PPP1R9A: variants seen among roughly 807,000 people sequenced by gnomAD.
PPP1R9A encodes the protein neurabin-1.
In PPP1R9A, 59 loss-of-function variants were observed where a neutral mutation model predicts 141.9. The ratio of observed to expected loss-of-function variants is 0.42; its 90% CI spans 0.34 to 0.52. The LOEUF (loss-of-function observed/expected upper bound fraction) is 0.52, where lower values mean the gene tolerates loss of function less well. Among genes scored for constraint, PPP1R9A ranks in the 20% least tolerant of loss-of-function variants. PPP1R9A has a pLI of 0.10. For missense variants in PPP1R9A, 1,444 were observed against 1,611.9 expected (o/e 0.90, Z 1.78); for synonymous variants, 500 against 569.7 (o/e 0.88, Z 1.74).
At chr7:95,083,014 C>A (rs1052096348) in intron 2 of PPP1R9A, among the ~76,000 whole-genome samples, 2 of 151,764 alleles carry the variant, frequency 1.3e-5, no homozygotes, top group Non-Finnish European at 2.9e-5. Context: ...CTCGGCCTCC[C>A]AAAGTGCTGG....
intron 2 of PPP1R9A, among the ~76,000 whole-genome samples, chr7:94,995,751 C>A (rs1044974781): frequency 1.3e-5 from 2 of 151,872 alleles, no homozygotes; most frequent in Non-Finnish European, 2.9e-5. Context: ...AAAATTTGTG[C>A]CCATTGTGTC....
chr7:95,243,062 G>A (rs1257349329), intron 8 of PPP1R9A, among the ~76,000 whole-genome samples: 1 of 152,140 alleles, frequency 6.6e-6, no homozygotes, highest in Non-Finnish European at 1.5e-5. Context: ...TGCTTCATTT[G>A]TCGAGGTCCT....
At chr7:95,258,548 A>G (rs558382084) in intron 12 of PPP1R9A, among the ~76,000 whole-genome samples, 3 of 152,312 alleles carry the variant, frequency 2.0e-5, no homozygotes, top group Non-Finnish European at 2.9e-5. Context: ...GATCATTAAA[A>G]GACATTATAA....
chr7:95,090,014 G>A (rs1817130420), intron 2 of PPP1R9A, among the ~76,000 whole-genome samples: 1 of 151,862 alleles, frequency 6.6e-6, no homozygotes, highest in Non-Finnish European at 1.5e-5. Context: ...AAAGTACAGT[G>A]GACTTTCCTA....
chr7:95,133,312 G>A (rs1396307275), intron 4 of PPP1R9A, among the ~76,000 whole-genome samples: 1 of 151,986 alleles, frequency 6.6e-6, no homozygotes, highest in Non-Finnish European at 1.5e-5. Context: ...TGGCTTGTAG[G>A]TCGGGTTTCA....
intron 3 of PPP1R9A, among the ~76,000 whole-genome samples, chr7:95,117,202 A>G (rs1040666301): frequency 1.3e-5 from 2 of 152,096 alleles, no homozygotes; most frequent in Middle Eastern, 6.8e-3. Flanking sequence ...CCGTCATTTT[A>G]TGGCTGTTTT....
At chr7:95,032,775 T>C (rs1157989421) in intron 2 of PPP1R9A, among the ~76,000 whole-genome samples, 2 of 152,208 alleles carry the variant, frequency 1.3e-5, no homozygotes, top group East Asian at 3.9e-4. Context: ...TACAAAAGTG[T>C]GTAAAACTGT....
chr7:95,086,198 T>G (rs1427856123), intron 2 of PPP1R9A, among the ~76,000 whole-genome samples: 2 of 152,016 alleles, frequency 1.3e-5, no homozygotes, highest in Non-Finnish European at 1.5e-5. Flanking sequence ...AGAATAGTTT[T>G]AAAATAGACT....
Position 94,910,681 on chromosome 7 carries a change from A to C in PPP1R9A, c.568A>C (p.Ser190Arg). The C allele has an allele frequency of 6.2e-7, 1 of 1,614,198 alleles. No homozygotes were observed. Among genetic ancestry groups the C allele is most frequent in the Non-Finnish European group, 8.5e-7 (1 of 1,180,028 alleles). Residue 190 changes from serine to arginine, a missense_variant, in exon 2 of 20, where the codon AGC becomes CGC. Ser to Arg is a moderately radical substitution (Grantham distance 110, BLOSUM62 -1). Coordinates refer to ENST00000433360, the MANE Select transcript of PPP1R9A (RefSeq NM_001166160.2). This position sits in a 1 kb window ranked among gnomAD's most constrained non-coding sequence, Gnocchi z 4.5. Reference protein sequence around the residue: ...SNRGSTDSLDSLSSRTEAVSP... With the variant: ...SNRGSTDSLDRLSSRTEAVSP... The stretch of plus-strand genomic sequence containing the variant: ...CAGAGGCAGTACTGATTCCTTGGAC[A>C]GCCTTAGCTCCCGAACTGAGGCTGT...
intron 2 of PPP1R9A, among the ~76,000 whole-genome samples, chr7:94,960,018 A>G (rs534159260): frequency 6.6e-6 from 1 of 151,806 alleles, no homozygotes; most frequent in East Asian, 1.9e-4. Flanking sequence ...CTGCTTCACC[A>G]TGTGGTCTAT....
At chr7:95,248,269 C>T (rs1034825364) in intron 9 of PPP1R9A, among the ~76,000 whole-genome samples, 2 of 144,538 alleles carry the variant, frequency 1.4e-5, no homozygotes, top group African/African-American at 5.1e-5. Context: ...TAATTACCCT[C>T]CCCCGCCCCC....
chr7:95,113,150 A>G (rs1324313815), intron 3 of PPP1R9A, among the ~76,000 whole-genome samples: 1 of 152,220 alleles, frequency 6.6e-6, no homozygotes, highest in Non-Finnish European at 1.5e-5. Flanking sequence ...GAAAAATTTC[A>G]CCGGAAGAAT....
intron 4 of PPP1R9A, among the ~76,000 whole-genome samples, chr7:95,147,565 T>C (rs1827863392): frequency 1.3e-5 from 2 of 152,164 alleles, no homozygotes; most frequent in Admixed American, 6.5e-5. Context: ...GGCTTCCTTG[T>C]CTTGTGTCGG....
intron 4 of PPP1R9A, among the ~76,000 whole-genome samples, chr7:95,125,743 A>G (rs1460935428): frequency 1.3e-5 from 2 of 152,084 alleles, no homozygotes; most frequent in South Asian, 2.1e-4. Context: ...GTCCTTTTCA[A>G]TTTTATTGGA....
chr7:95,269,933 A>G (rs1563534314), intron 14 of PPP1R9A, among the ~76,000 whole-genome samples: 2 of 152,230 alleles, frequency 1.3e-5, no homozygotes, highest in Admixed American at 6.5e-5. Context: ...TAACACAGGC[A>G]TATAATTGAT....
chr7:95,179,884 A>T (rs1275936318), intron 5 of PPP1R9A, among the ~76,000 whole-genome samples: 1 of 152,152 alleles, frequency 6.6e-6, no homozygotes, highest in Non-Finnish European at 1.5e-5. Flanking sequence ...GATGACACAA[A>T]CAAATGGAAA....
intron 8 of PPP1R9A, 49 bp downstream of exon 8, chr7:95,226,165 A>G: frequency 6.5e-7 from 1 of 1,549,596 alleles, no homozygotes; most frequent in Non-Finnish European, 8.8e-7. Flanking sequence ...CCATTTCATT[A>G]AGTATATATT....
rs191662105 is a variant in PPP1R9A, at chr7:95,075,939, T to C, written c.1396-35320T>C. ...TGTGGGAAAGTAACTAGAAAATGTA[T>C]AGTAATTAAGAGTTGTTTACTAAGA... On this transcript the variant is annotated intron_variant, in intron 2 of 19. Coordinates refer to ENST00000433360, the MANE Select transcript of PPP1R9A (RefSeq NM_001166160.2). Among the ~76,000 whole-genome samples, 315 of 152,290 alleles carry C rather than the reference T, an allele frequency of 2.1e-3. 2 individuals carry two copies. Among genetic ancestry groups the C allele is most frequent in the Non-Finnish European group, 2.7e-3 (181 of 68,002 alleles).
chr7:95,047,799 T>C (rs569470837), intron 2 of PPP1R9A, among the ~76,000 whole-genome samples: 1 of 152,332 alleles, frequency 6.6e-6, no homozygotes, highest in South Asian at 2.1e-4. Flanking sequence ...GGTAGCTTTT[T>C]CTATTAGGCC....
Sources: gnomAD v4.1 joint callset for allele counts (sites outside exome capture counted in the v4.1 genomes callset) on GRCh38, gnomAD v4.1.1 for gene constraint, Gnocchi (gnomAD v3.1) non-coding constraint, MANE v1.5 for transcripts, NCBI Gene and HGNC (gene_info 2026-07-23, HGNC 2026-07-21) for gene names.